ACYP2: variants seen among roughly 807,000 people sequenced by gnomAD.
ACYP2 encodes the protein acylphosphatase 2.
ACYP2 carries 12 observed loss-of-function variants against 11.2 expected under a neutral mutation model. The ratio of observed to expected loss-of-function variants is 1.08; its 90% CI spans 0.69 to 1.74. The LOEUF (loss-of-function observed/expected upper bound fraction) is 1.74, where lower values mean the gene tolerates loss of function less well. ACYP2 is among the 40% of genes most tolerant of loss of function. The pLI is 0.00. For missense variants in ACYP2, 134 were observed against 101.9 expected, an observed-to-expected ratio of 1.31 and a Z score of -1.35; for synonymous variants, 43 against 32.2, an observed-to-expected ratio of 1.33 and a Z score of -1.13.
At chr2:54,287,331 G>C (rs774020876) in intron 6 of ACYP2, among the ~76,000 whole-genome samples, 17 of 151,792 alleles carry the variant, frequency 1.1e-4, no homozygotes, top group Non-Finnish European at 2.4e-4. Context: ...CATGCATAAG[G>C]GCCCCCCCTC....
chr2:54,016,279 T>A (rs1046913125), intron 2 of ACYP2, among the ~76,000 whole-genome samples: 1 of 152,116 alleles, frequency 6.6e-6, no homozygotes, highest in African/African-American at 2.4e-5. Context: ...AAAAAAAATA[T>A]GTAGCCTTGC....
chr2:54,036,254 C>T (rs945451629), intron 2 of ACYP2, among the ~76,000 whole-genome samples: 3 of 152,144 alleles, frequency 2.0e-5, no homozygotes, highest in Non-Finnish European at 4.4e-5. Context: ...GCCACCACAC[C>T]TGGCTAATTT....
chr2:54,131,916 T>C (rs1680920868), intron 4 of ACYP2, among the ~76,000 whole-genome samples: 1 of 152,188 alleles, frequency 6.6e-6, no homozygotes, highest in Non-Finnish European at 1.5e-5. Context: ...AAGAATTTTA[T>C]TTTCTGAAAA....
At chr2:54,031,868 G>T (rs1261845755) in intron 2 of ACYP2, among the ~76,000 whole-genome samples, 4 of 152,190 alleles carry the variant, frequency 2.6e-5, no homozygotes, top group African/African-American at 4.8e-5. Flanking sequence ...GCATTTATCT[G>T]ATGGCCAGTG....
chr2:54,086,699 T>A (rs7591194), intron 4 of ACYP2, among the ~76,000 whole-genome samples: 85,872 of 152,094 alleles, frequency 0.56, 24,361 homozygotes, highest in East Asian at 0.72. Context: ...ACGCGCGCGC[T>A]AGTGCGTGTT....
At chr2:54,039,807 A>G (rs376653142) in intron 2 of ACYP2, among the ~76,000 whole-genome samples, 243 of 121,724 alleles carry the variant, frequency 2.0e-3, no homozygotes, top group African/African-American at 7.1e-3. Context: ...TGTGTTTTAT[A>G]TTTGTTTTCT....
intron 4 of ACYP2, among the ~76,000 whole-genome samples, chr2:54,117,449 C>T (rs926800501): frequency 1.1e-4 from 16 of 152,042 alleles, no homozygotes; most frequent in Admixed American, 9.2e-4. Context: ...CTCATGCCAC[C>T]ATGCATGACT....
At chr2:54,012,254 C>T (rs895172996) in intron 2 of ACYP2, among the ~76,000 whole-genome samples, 2 of 151,154 alleles carry the variant, frequency 1.3e-5, no homozygotes, top group African/African-American at 2.4e-5. Context: ...AAAAAAAATA[C>T]TCCCAGGCTG....
intron 6 of ACYP2, among the ~76,000 whole-genome samples, chr2:54,229,909 T>A (rs1276363706): frequency 2.0e-5 from 3 of 152,200 alleles, no homozygotes; most frequent in Non-Finnish European, 4.4e-5. Context: ...ATAGCTTTGT[T>A]ATTATTGAGG....
At chr2:54,180,172 C>T (rs1450337679) in intron 6 of ACYP2, among the ~76,000 whole-genome samples, 1 of 152,162 alleles carries the variant, frequency 6.6e-6, no homozygotes, top group Non-Finnish European at 1.5e-5. Flanking sequence ...CTGTCCTGGG[C>T]GTACCACCCT....
Position 54,029,543 on chromosome 2 carries a change from C to T in ACYP2, c.63-21415C>T, listed in dbSNP as rs549513286. ...TCAGGCTCCTTCCCATTGGTTCTCT[C>T]ACATTGTCTTCTCTGGGTGGAGCTG... On this transcript the variant is annotated intron_variant, in intron 2 of 6. Transcript: ENST00000607452. 126 of 401,958 alleles carry T rather than the reference C, an allele frequency of 3.1e-4. 1 individual carries two copies. Among genetic ancestry groups the T allele is most frequent in the South Asian group, 2.1e-3 (103 of 47,914 alleles). 24.9% of individuals were successfully genotyped at this position (401,958 alleles called of 1,614,324 possible).
At chr2:54,017,318 C>A (rs916556901) in intron 2 of ACYP2, among the ~76,000 whole-genome samples, 1 of 145,712 alleles carries the variant, frequency 6.9e-6, no homozygotes, top group African/African-American at 2.5e-5. Flanking sequence ...TGCAGTGGCA[C>A]CATCTCAGTT....
chr2:54,225,268 G>C (rs1271466894), intron 6 of ACYP2, among the ~76,000 whole-genome samples: 1 of 152,186 alleles, frequency 6.6e-6, no homozygotes, highest in Non-Finnish European at 1.5e-5. Flanking sequence ...GCTGGGTGGA[G>C]CATGGTTGGA....
intron 6 of ACYP2, among the ~76,000 whole-genome samples, chr2:54,195,333 A>G (rs375773950): frequency 2.0e-5 from 3 of 152,234 alleles, no homozygotes; most frequent in African/African-American, 7.2e-5. Flanking sequence ...GAGAGATGAT[A>G]TTAATATTTT....
At chr2:54,233,842 A>T (rs1411089077) in intron 6 of ACYP2, among the ~76,000 whole-genome samples, 1 of 152,086 alleles carries the variant, frequency 6.6e-6, no homozygotes, top group East Asian at 1.9e-4. Flanking sequence ...TTAAAAGATA[A>T]AAAGAAAAAA....
At position 54,304,721 on chromosome 2, in the gene ACYP2, T is replaced by C. The variant is rs1281340771; in HGVS notation, c.438T>C (p.Ser146=). The change falls in exon 7 of 7, where the codon AGT becomes AGC. Residue 146 remains serine (S), a synonymous_variant. Coordinates refer to ENST00000607452, the MANE Select transcript of ACYP2 (RefSeq NM_001320586.2). ...GGCTGAGCAAGGTTGGAAGCCCTAG[T>C]TCTCGCATTGACCGCACAAACTTTT... 1.2e-6 allele frequency: 2 copies of C among 1,612,354 alleles called. No homozygotes were observed. Among genetic ancestry groups the C allele is most frequent in the East Asian group, 2.2e-5 (1 of 44,844 alleles).
At chr2:54,061,900 C>T (rs560705067) in intron 4 of ACYP2, among the ~76,000 whole-genome samples, 1 of 152,160 alleles carries the variant, frequency 6.6e-6, no homozygotes, top group Admixed American at 6.6e-5. Flanking sequence ...GTAATGAGAC[C>T]CTGCCTCTAT....
At chr2:54,152,521 C>G (rs971791294) in intron 6 of ACYP2, among the ~76,000 whole-genome samples, 1 of 152,132 alleles carries the variant, frequency 6.6e-6, no homozygotes, top group Non-Finnish European at 1.5e-5. Context: ...TTCCACTACA[C>G]TAAAAATCCC....
rs70944145 is a variant in ACYP2 at position 54,007,138 on chromosome 2, CAAAAAAAAA to C, written c.62+33346_62+33354del. Among the ~76,000 whole-genome samples the C allele has an allele frequency of 4.0e-4, 21 of 52,202 alleles. 1 individual carries two copies. In the South Asian group the frequency reaches 6.7e-3, roughly 17 times the overall value. 34.2% of individuals were successfully genotyped at this position (52,202 alleles called of 152,430 possible). A position where few individuals can be genotyped will look rare whatever the true frequency, so the allele number is the denominator to read the frequency against. On this transcript the variant is annotated intron_variant, in intron 2 of 6. Transcript: ENST00000607452. ...TGGGCAACAGAGAGAGACTCTGTGT[CAAAAAAAAA>C]AAAAAAAAAAAAAAAAAGAAAGAAA...
Sources: gnomAD v4.1 joint callset for allele counts (sites outside exome capture counted in the v4.1 genomes callset) on GRCh38, gnomAD v4.1.1 for gene constraint, MANE v1.5 for transcripts, NCBI Gene and HGNC (gene_info 2026-07-23, HGNC 2026-07-21) for gene names.